The following DPP6 variants were observed in gnomAD, a reference collection of about 807,000 sequenced individuals.
DPP6 encodes dipeptidyl peptidase like 6, also known as A-type potassium channel modulatory protein DPP6.
In DPP6, 69 loss-of-function variants were observed where a neutral mutation model predicts 122.6. That is an observed-to-expected ratio of 0.56 (90% CI 0.46 to 0.69). The LOEUF (loss-of-function observed/expected upper bound fraction) is 0.69, where lower values mean the gene tolerates loss of function less well. Among genes scored for constraint, DPP6 ranks in the 30% least tolerant of loss-of-function variants. The pLI is 0.00. For synonymous variants in DPP6, 418 were observed against 433.1 expected (o/e 0.97, Z 0.43); for missense variants, 928 against 1,116.9 (o/e 0.83, Z 2.41).
chr7:154,448,580 G>A (rs1162992845), intron 2 of DPP6, among the ~76,000 whole-genome samples: 2 of 152,050 alleles, frequency 1.3e-5, no homozygotes, highest in Non-Finnish European at 1.5e-5. Context: ...AGTTGATTCT[G>A]AAATTCATAT....
chr7:153,928,172 A>G (rs1029818970), intron 1 of DPP6, among the ~76,000 whole-genome samples: 12 of 151,832 alleles, frequency 7.9e-5, no homozygotes, highest in African/African-American at 2.9e-4. Flanking sequence ...TCAAGGTGCC[A>G]ATAGATTTGG....
At chr7:154,846,481 C>G (rs1195007573) in intron 16 of DPP6, among the ~76,000 whole-genome samples, 1 of 152,144 alleles carries the variant, frequency 6.6e-6, no homozygotes, top group Non-Finnish European at 1.5e-5. Context: ...GCAACATTAG[C>G]GGAAAGTCAG....
intron 1 of DPP6, among the ~76,000 whole-genome samples, chr7:154,023,318 G>GCACGCACACGCACACACACACA (rs373378162): frequency 1.5e-4 from 19 of 129,528 alleles, no homozygotes; most frequent in African/African-American, 5.5e-4. Flanking sequence ...TTTCTTGTCT[G>GCACGCACACGCACACACACACA]CACACACACA....
chr7:154,648,268 A>C (rs1397775444), intron 6 of DPP6, among the ~76,000 whole-genome samples: 1 of 101,636 alleles, frequency 9.8e-6, no homozygotes, highest in Non-Finnish European at 1.9e-5. Context: ...AACTCTGTCT[A>C]AAAAAAAAAA....
intron 3 of DPP6, among the ~76,000 whole-genome samples, chr7:154,531,863 A>G (rs1348242101): frequency 6.6e-6 from 1 of 152,140 alleles, no homozygotes; most frequent in Non-Finnish European, 1.5e-5. Flanking sequence ...ATTTAATGGT[A>G]TATATTATAA....
the DPP6 span, among the ~76,000 whole-genome samples, chr7:153,854,913 AC>A: frequency 6.9e-6 from 1 of 144,086 alleles, no homozygotes; most frequent in Admixed American, 7.0e-5. Flanking sequence ...CAGCCATAAA[AC>A]ATGATGAGTT....
intron 2 of DPP6, among the ~76,000 whole-genome samples, chr7:154,465,561 CTT>C (rs1821709890): frequency 1.3e-5 from 2 of 152,126 alleles, no homozygotes; most frequent in South Asian, 4.1e-4. Context: ...TGAACAGACA[CTT>C]TTCAAAAGAA....
intron 1 of DPP6, among the ~76,000 whole-genome samples, chr7:154,361,342 G>T (rs558001401): frequency 6.6e-6 from 1 of 152,262 alleles, no homozygotes; most frequent in Non-Finnish European, 1.5e-5. Flanking sequence ...TCTCGGAAAA[G>T]TCTCCACCTG....
chr7:154,129,063 C>T (rs1808170541), intron 1 of DPP6, among the ~76,000 whole-genome samples: 2 of 152,160 alleles, frequency 1.3e-5, no homozygotes, highest in South Asian at 4.1e-4. Flanking sequence ...CACCCCCCGA[C>T]ACACCCCCAA....
At chr7:154,195,206 T>G (rs1408528370) in intron 1 of DPP6, among the ~76,000 whole-genome samples, 1 of 152,208 alleles carries the variant, frequency 6.6e-6, no homozygotes, top group Non-Finnish European at 1.5e-5. Flanking sequence ...ATCTAGTCAT[T>G]CCAATACCAT....
At chr7:154,532,182 A>G (rs1827891684) in intron 3 of DPP6, among the ~76,000 whole-genome samples, 1 of 152,166 alleles carries the variant, frequency 6.6e-6, no homozygotes, top group Non-Finnish European at 1.5e-5. Context: ...TTAAAAATCT[A>G]TAACAATAAG....
chr7:154,835,256 C>A (rs536814325), intron 16 of DPP6, among the ~76,000 whole-genome samples: 13 of 152,282 alleles, frequency 8.5e-5, no homozygotes, highest in African/African-American at 3.1e-4. Context: ...ACACGGGAGG[C>A]AGACGCTGCT....
intron 1 of DPP6, among the ~76,000 whole-genome samples, chr7:153,977,488 T>C (rs1228961019): frequency 6.6e-6 from 1 of 152,194 alleles, no homozygotes; most frequent in Non-Finnish European, 1.5e-5. Flanking sequence ...ACCAGCTCCT[T>C]ATGAGAAGTA....
At chr7:153,971,755 T>A (rs28554059) in intron 1 of DPP6, among the ~76,000 whole-genome samples, 15,614 of 140,638 alleles carry the variant, frequency 0.11, 1,046 homozygotes, top group African/African-American at 0.19. Context: ...CCCATAGGAC[T>A]GTGCTGCAGG....
chr7:154,440,704 T>C (rs760700059), intron 1 of DPP6, among the ~76,000 whole-genome samples: 1 of 152,172 alleles, frequency 6.6e-6, no homozygotes, highest in African/African-American at 2.4e-5. Context: ...AAGAGATTGA[T>C]TGGTTTAAAG....
chr7:154,535,650 T>A (rs1447735382), intron 3 of DPP6, among the ~76,000 whole-genome samples: 1 of 150,694 alleles, frequency 6.6e-6, no homozygotes, highest in Non-Finnish European at 1.5e-5. Flanking sequence ...CAAAGACTCA[T>A]ATCCAGAATG....
intron 1 of DPP6, among the ~76,000 whole-genome samples, chr7:153,937,504 A>G (rs1180016200): frequency 1.5e-5 from 2 of 137,368 alleles, no homozygotes; most frequent in East Asian, 4.2e-4. Flanking sequence ...GCTGGAGCAC[A>G]GTGGCGCGAT....
intron 1 of DPP6, among the ~76,000 whole-genome samples, chr7:154,175,298 G>A (rs1175841154): frequency 1.3e-5 from 2 of 152,000 alleles, no homozygotes; most frequent in Admixed American, 1.3e-4. Context: ...AAATCGTCTT[G>A]GATTCTCTAG....
chr7:154,579,653 C>G (rs181385667), intron 5 of DPP6, among the ~76,000 whole-genome samples: 110 of 152,282 alleles, frequency 7.2e-4, no homozygotes, highest in African/African-American at 2.3e-3. Flanking sequence ...CAAATGCCAG[C>G]CATGTCCTCT....
Sources: gnomAD v4.1 joint callset for allele counts (sites outside exome capture counted in the v4.1 genomes callset) on GRCh38, gnomAD v4.1.1 for gene constraint, MANE v1.5 for transcripts, NCBI Gene and HGNC (gene_info 2026-07-23, HGNC 2026-07-21) for gene names.